The following RECQL5 variants were observed in gnomAD, a reference collection of about 807,000 sequenced individuals.
The protein encoded by RECQL5 is RecQ like helicase 5, also known as ATP-dependent DNA helicase Q5.
In RECQL5, 88 loss-of-function variants were observed where a neutral mutation model predicts 103.4. The ratio of observed to expected loss-of-function variants is 0.85; its 90% CI spans 0.72 to 1.02. The LOEUF is 1.02. Among genes scored for constraint, RECQL5 ranks in the 50% least tolerant of loss-of-function variants. RECQL5 has a pLI of 0.00. For synonymous variants in RECQL5, 552 were observed against 507.9 expected (o/e 1.09, Z -1.17); for missense variants, 1,232 against 1,284.3 (o/e 0.96, Z 0.62).
chr17:75,657,922 C>A (rs2059647446), intron 7 of RECQL5, among the ~76,000 whole-genome samples: 1 of 151,944 alleles, frequency 6.6e-6, no homozygotes, highest in Non-Finnish European at 1.5e-5. Context: ...GTGGCATGCA[C>A]CTGTAATCCC....
rs75049393 is a variant in RECQL5 at position 75,665,189 on chromosome 17, C to T, written c.131-17G>A. 3.6e-3 allele frequency: 5,730 copies of T among 1,602,146 alleles called. 161 individuals are homozygous for T. In the African/African-American group the frequency reaches 0.067, roughly 19 times the overall value. Reference sequence around the variant, plus strand: ...CCTTGTTACCTGAAAAAATACAAGACAACAATATCTCAGTGCTTCCTGCCT... The same window carrying T: ...CCTTGTTACCTGAAAAAATACAAGATAACAATATCTCAGTGCTTCCTGCCT... On this transcript the variant is annotated splice_polypyrimidine_tract_variant and intron_variant, in intron 2 of 19. Transcript: ENST00000317905.
At position 75,636,563 on chromosome 17, in the gene RECQL5, C is replaced by T. The variant is rs1054610072; in HGVS notation, c.1230-4895G>A. 8.5e-5 allele frequency: 13 copies of T among 152,258 alleles called. No individual in the cohort carries two copies. Among genetic ancestry groups the T allele is most frequent in the South Asian group, 4.1e-4 (2 of 4,828 alleles). 9.4% of individuals were successfully genotyped at this position (152,258 alleles called of 1,614,324 possible). A position where few individuals can be genotyped will look rare whatever the true frequency, so the allele number is the denominator to read the frequency against. On this transcript the variant is annotated intron_variant, in intron 8 of 19. Coordinates refer to ENST00000317905, the MANE Select transcript of RECQL5 (RefSeq NM_004259.7). This position sits in a 1 kb window ranked among gnomAD's most constrained non-coding sequence, Gnocchi z 5.4. The stretch of plus-strand genomic sequence containing the variant: ...GGGCACATGCCACACAGTCACCTGA[C>T]GGCTGCTGGTTATATTGGGCACCAA...
chr17:75,640,176 G>A lies in RECQL5; in HGVS notation c.1230-8508C>T. ...TCTCTGCCCCAGCAGAGCCCGGCAG[G>A]AGCCCCAACAGGAAGCCAGCGCGGC... On this transcript the variant is annotated intron_variant, in intron 8 of 19. Coordinates refer to ENST00000317905, the MANE Select transcript of RECQL5 (RefSeq NM_004259.7). This position sits in a 1 kb window ranked among gnomAD's most constrained non-coding sequence, Gnocchi z 4.6. 2.0e-6 allele frequency: 3 copies of A among 1,532,900 alleles called. No individual in the cohort carries two copies. Among genetic ancestry groups the A allele is most frequent in the Middle Eastern group, 1.9e-4 (1 of 5,400 alleles). 95.0% of individuals were successfully genotyped at this position (1,532,900 alleles called of 1,614,324 possible). A position where few individuals can be genotyped will look rare whatever the true frequency, so the allele number is the denominator to read the frequency against.
chr17:75,659,443 A>C (rs894138606), intron 6 of RECQL5, among the ~76,000 whole-genome samples: 3 of 152,134 alleles, frequency 2.0e-5, no homozygotes, highest in Non-Finnish European at 4.4e-5. Context: ...TTGCAGCCTC[A>C]ACCCCCGGCC....
Position 75,630,904 on chromosome 17 carries a change from C to T in RECQL5, c.1586-67G>A, listed in dbSNP as rs923306112. The T allele has an allele frequency of 5.7e-6, 9 of 1,588,684 alleles. No individual in the cohort carries two copies. The African/African-American group carries it at 9.4e-5, about 17-fold the overall frequency. Reference sequence around the variant, plus strand: ...TTCTGCGCTCTGAGGTCCCCCACAGCCCGGATGAGAATCCTCCCTCCATGC... The same window carrying T: ...TTCTGCGCTCTGAGGTCCCCCACAGTCCGGATGAGAATCCTCCCTCCATGC... On this transcript the variant is annotated intron_variant, in intron 11 of 19. Coordinates refer to ENST00000317905, the MANE Select transcript of RECQL5 (RefSeq NM_004259.7).
chr17:75,636,220 A>G lies in RECQL5; in HGVS notation c.1230-4552T>C, dbSNP rs565199562. Among the ~76,000 whole-genome samples the G allele has an allele frequency of 3.1e-3, 469 of 152,174 alleles. 2 individuals carry two copies. Among genetic ancestry groups the G allele is most frequent in the Non-Finnish European group, 5.2e-3 (355 of 67,992 alleles). On this transcript the variant is annotated intron_variant, in intron 8 of 19. Transcript: ENST00000317905. The surrounding 1 kb of genome is among the most constrained non-coding windows in gnomAD (Gnocchi z 5.4). ...CCCCTGAGGACCCTGAGAAGCCTCC[A>G]ACCAAGGCACTACTGAGCGTGGGGT... is the stretch of plus-strand genomic sequence containing the variant.
intron 8 of RECQL5, chr17:75,633,611 G>A: frequency 8.3e-7 from 1 of 1,209,812 alleles, no homozygotes. Context: ...GCTTGAGAGG[G>A]CCACCAGCTC....
At chr17:75,665,689 C>CAAAA (rs1184942786) in intron 2 of RECQL5, among the ~76,000 whole-genome samples, 21 of 63,382 alleles carry the variant, frequency 3.3e-4, no homozygotes, top group African/African-American at 9.2e-4. Context: ...GACTCTGTTT[C>CAAAA]AAAAAAAAAA....
At chr17:75,633,216 T>A (rs568712788) in intron 8 of RECQL5, among the ~76,000 whole-genome samples, 1 of 152,286 alleles carries the variant, frequency 6.6e-6, no homozygotes, top group South Asian at 2.1e-4. Context: ...GGCATCCGAG[T>A]GGTGTGACCA....
intron 8 of RECQL5, chr17:75,649,918 G>C: frequency 1.0e-6 from 1 of 985,596 alleles, no homozygotes; most frequent in Non-Finnish European, 1.2e-6. Context: ...GGTGACAGGA[G>C]AAATGAAGGC....
chr17:75,655,899 C>A (rs2059613474), intron 7 of RECQL5, among the ~76,000 whole-genome samples: 1 of 151,612 alleles, frequency 6.6e-6, no homozygotes, highest in African/African-American at 2.4e-5. Context: ...GCCGGATGGT[C>A]CTGAACTCCT....
Position 75,626,893 on chromosome 17 carries a change from T to C in RECQL5, c.*529A>G, listed in dbSNP as rs1020883393. The stretch of plus-strand genomic sequence containing the variant: ...CATGCCCCACAACAACACAACTTTA[T>C]TCCTCTCCCAAACATCTGTCAGGCC... On this transcript the variant is annotated 3_prime_UTR_variant, in exon 20 of 20. Transcript: ENST00000317905. 2.8e-6 allele frequency: 1 copy of C among 356,806 alleles called. No individual in the cohort carries two copies. The highest frequency in any genetic ancestry group is 5.4e-6 in the Non-Finnish European group (1 of 185,034). 22.1% of individuals were successfully genotyped at this position (356,806 alleles called of 1,614,324 possible).
chr17:75,644,284 G>A (rs1366394903), intron 8 of RECQL5, among the ~76,000 whole-genome samples: 2 of 151,542 alleles, frequency 1.3e-5, no homozygotes, highest in South Asian at 2.1e-4. Context: ...CAGCCTGAGC[G>A]ACAGAGTGAG....
intron 14 of RECQL5, 99 bp from the exon 15 acceptor site, chr17:75,629,941 TGTGGCCAGTGGCC>T: frequency 6.9e-7 from 1 of 1,458,868 alleles, no homozygotes; most frequent in Non-Finnish European, 9.1e-7. Flanking sequence ...AGTGGGTTTC[TGTGGCCAGTGGCC>T]ACAGGCAACT....
At chr17:75,635,043 C>T (rs987197047) in intron 8 of RECQL5, among the ~76,000 whole-genome samples, 7 of 152,192 alleles carry the variant, frequency 4.6e-5, no homozygotes, top group Non-Finnish European at 8.8e-5. Context: ...CTCCTCCTGC[C>T]GCCCTGTCCT....
At chr17:75,642,467 G>A (rs374595527) in intron 8 of RECQL5, among the ~76,000 whole-genome samples, 3 of 152,220 alleles carry the variant, frequency 2.0e-5, no homozygotes, top group Non-Finnish European at 4.4e-5. Context: ...GCAGGGAGGG[G>A]AAGCTCTCAC....
chr17:75,656,744 CTTT>C (rs35330392), intron 7 of RECQL5, among the ~76,000 whole-genome samples: 20 of 82,612 alleles, frequency 2.4e-4, no homozygotes, highest in Non-Finnish European at 2.7e-4. Flanking sequence ...CTTCTATTGT[CTTT>C]TTTTTTTTTT....
intron 6 of RECQL5, among the ~76,000 whole-genome samples, chr17:75,660,510 G>A (rs1194749554): frequency 6.6e-6 from 1 of 152,232 alleles, no homozygotes; most frequent in Non-Finnish European, 1.5e-5. Context: ...TAACTGCACT[G>A]AATATTGTAG....
chr17:75,629,314 C>A lies in RECQL5; in HGVS notation c.2109G>T (p.Glu703Asp). The A allele has an allele frequency of 6.4e-7, 1 of 1,552,746 alleles. No homozygotes were observed. Among genetic ancestry groups the A allele is most frequent in the South Asian group, 1.2e-5 (1 of 82,766 alleles). Residue 703 changes from glutamate (E) to aspartate (D), a missense_variant, in exon 16 of 20, where the codon GAG becomes GAT. By Grantham distance (45) the Glu-to-Asp change is conservative (BLOSUM62 2). Transcript: ENST00000317905. ...PPSRPCGLLDEDGSEPLPGPR... is the reference protein window; with the variant it reads ...PPSRPCGLLDDDGSEPLPGPR... ...GCCCAGGGAGGGGCTCACTCCCATC[C>A]TCATCCAGGAGGCCACAGGGCCGGC...
Sources: allele counts gnomAD v4.1 joint callset (sites outside exome capture counted in the v4.1 genomes callset), GRCh38; gene constraint gnomAD v4.1.1; non-coding constraint Gnocchi (gnomAD v3.1); transcripts MANE v1.5; gene names NCBI Gene and HGNC (gene_info 2026-07-23, HGNC 2026-07-21).